MACF1: variants seen among roughly 807,000 people sequenced by gnomAD.
The protein encoded by MACF1 is microtubule-actin cross-linking factor 1.
A neutral mutation model predicts 854.8 loss-of-function variants in MACF1; 193 were observed. The observed-to-expected ratio is 0.23, with a 90% CI of 0.20 to 0.25. MACF1 has a LOEUF of 0.25. Among genes scored for constraint, MACF1 ranks in the 10% least tolerant of loss-of-function variants. The pLI is 1.00. For missense variants in MACF1, 7,722 were observed against 8,929.1 expected (o/e 0.86, Z 5.45); for synonymous variants, 3,185 against 3,226.7 (o/e 0.99, Z 0.44).
In MACF1 at chr1:39,333,439, C is replaced by A; in HGVS notation, c.6851C>A (p.Thr2284Asn). Reference protein sequence around the residue: ...SHPLELLEEATLNVLSAQLLD... With the variant: ...SHPLELLEEANLNVLSAQLLD... The stretch of plus-strand genomic sequence containing the variant: ...CCATTAGAATTGCTTGAAGAAGCTA[C>A]CTTAAATGTATTATCTGCACAGTTA... Residue 2284 changes from threonine (T) to asparagine (N), a missense_variant, in exon 37 of 101, where the codon ACC becomes AAC. Thr to Asn is a moderately conservative substitution (Grantham distance 65). Transcript: ENST00000564288. The A allele has an allele frequency of 6.2e-7, 1 of 1,614,078 alleles. No individual in the cohort carries two copies. Among genetic ancestry groups the A allele is most frequent in the Non-Finnish European group, 8.5e-7 (1 of 1,180,012 alleles).
At chr1:39,219,235 C>T (rs1389350013) in intron 1 of MACF1, among the ~76,000 whole-genome samples, 3 of 152,144 alleles carry the variant, frequency 2.0e-5, no homozygotes, top group African/African-American at 7.2e-5. Context: ...AGTACTTTTC[C>T]TTTAACTTGA....
At chr1:39,399,492 A>C (rs1244911956) in intron 58 of MACF1, among the ~76,000 whole-genome samples, 1 of 146,968 alleles carries the variant, frequency 6.8e-6, no homozygotes, top group Non-Finnish European at 1.5e-5. Flanking sequence ...CTCTTGCCTC[A>C]GCCTCCCAAG....
rs542666435 is a variant in MACF1 at position 39,292,702 on chromosome 1, A to G, written c.1915-64A>G. Reference sequence around the variant, plus strand: ...TAGACATAATATTTGCATAGTTGCAACCATAACACGTAGTTTACTTACTCT... The same window carrying G: ...TAGACATAATATTTGCATAGTTGCAGCCATAACACGTAGTTTACTTACTCT... On this transcript the variant is annotated intron_variant, in intron 16 of 100. Coordinates refer to ENST00000564288, the MANE Select transcript of MACF1 (RefSeq NM_001394062.1). The G allele has an allele frequency of 4.0e-5, 47 of 1,170,996 alleles. No homozygotes were observed. The South Asian group carries it at 6.0e-4, about 15-fold the overall frequency. 72.5% of individuals were successfully genotyped at this position (1,170,996 alleles called of 1,614,324 possible).
chr1:39,195,921 A>T (rs12566054), intron 2 of MACF1, among the ~76,000 whole-genome samples: 18,015 of 152,186 alleles, frequency 0.12, 1,448 homozygotes, highest in East Asian at 0.26. Flanking sequence ...AGGTGAGGTA[A>T]GTTATCAGTT....
In MACF1 at chr1:39,361,645, C is replaced by A. The variant is rs749497877; in HGVS notation, c.12739C>A (p.Gln4247Lys). 1 of 1,614,114 alleles carries A rather than the reference C, an allele frequency of 6.2e-7. No individual in the cohort carries two copies. The highest frequency in any genetic ancestry group is 8.5e-7 in the Non-Finnish European group (1 of 1,180,022). The change falls in exon 49 of 101, where the codon CAA becomes AAA. Residue 4247 changes from glutamine to lysine, a missense_variant. Transcript: ENST00000564288. The stretch of plus-strand genomic sequence containing the variant: ...GCTGGCCTCTGGAAATCAGCCAGAT[C>A]AAGATATTACACATTTCTTCCAACA... ...RMLASGNQPD[Q>K]DITHFFQQIQ...
At chr1:39,118,177 G>T (rs548590613) in intron 2 of MACF1, among the ~76,000 whole-genome samples, 1 of 152,228 alleles carries the variant, frequency 6.6e-6, no homozygotes, top group Admixed American at 6.5e-5. Context: ...TGTAACTTGA[G>T]AAAATTTATT....
intron 98 of MACF1, among the ~76,000 whole-genome samples, 177 bp from the exon 99 acceptor site, chr1:39,480,743 A>G (rs1414084336): frequency 6.6e-6 from 1 of 152,162 alleles, no homozygotes; most frequent in Non-Finnish European, 1.5e-5. Context: ...TTATGTGTGA[A>G]TGATGTTAGT....
At chr1:39,412,091 G>C in intron 58 of MACF1, 1 of 1,613,988 alleles carries the variant, frequency 6.2e-7, no homozygotes, top group Middle Eastern at 1.6e-4. Context: ...TCTGATCACA[G>C]GGTTTCTCAT....
intron 2 of MACF1, among the ~76,000 whole-genome samples, chr1:39,136,657 A>G (rs1299591868): frequency 6.6e-6 from 1 of 152,200 alleles, no homozygotes; most frequent in African/African-American, 2.4e-5. Context: ...GTTGTCTCTC[A>G]GAAGCTACTC....
At chr1:39,166,103 C>G (rs113359347) in intron 2 of MACF1, among the ~76,000 whole-genome samples, 1 of 146,664 alleles carries the variant, frequency 6.8e-6, no homozygotes, top group Non-Finnish European at 1.5e-5. Flanking sequence ...GAGTCTTGCT[C>G]TGTCACCCAG....
chr1:39,380,299 C>A lies in MACF1; in HGVS notation c.13574C>A (p.Ala4525Asp). ...NSPKIQKVKE[A>D]LAGLLVTYPN... ...CCAAAAATTCAAAAAGTAAAGGAAGCCCTGGCTGGATTACTGGTGACATAT... is the reference window on the plus strand; with the variant it reads ...CCAAAAATTCAAAAAGTAAAGGAAGACCTGGCTGGATTACTGGTGACATAT... The change falls in exon 55 of 101, where the codon GCC becomes GAC. Residue 4525 changes from alanine to aspartate, a missense_variant. By Grantham distance (126) the Ala-to-Asp change is moderately radical. This residue lies in a region of MACF1 where 2,807 missense variants were observed against 3,235.8 expected (regional missense o/e 0.87). Transcript: ENST00000564288. The A allele has an allele frequency of 1.2e-6, 2 of 1,613,494 alleles. No homozygotes were observed. The highest frequency in any genetic ancestry group is 1.1e-5 in the South Asian group (1 of 91,026).
intron 2 of MACF1, among the ~76,000 whole-genome samples, chr1:39,136,988 A>G (rs1643188656): frequency 6.6e-6 from 1 of 152,212 alleles, no homozygotes; most frequent in South Asian, 2.1e-4. Flanking sequence ...TAAATATAAA[A>G]TATTTGACAT....
At chr1:39,219,220 T>C (rs543476504) in intron 1 of MACF1, among the ~76,000 whole-genome samples, 2 of 152,386 alleles carry the variant, frequency 1.3e-5, no homozygotes, top group Admixed American at 1.3e-4. Context: ...ATCCCTATTA[T>C]AGTTAGTACT....
At chr1:39,135,210 A>T (rs1439141498) in intron 2 of MACF1, among the ~76,000 whole-genome samples, 2 of 152,114 alleles carry the variant, frequency 1.3e-5, no homozygotes, top group East Asian at 3.8e-4. Flanking sequence ...TGGCTTGCTA[A>T]TAATATGATT....
At chr1:39,279,307 C>G (rs1045943944) in intron 6 of MACF1, among the ~76,000 whole-genome samples, 15 of 152,172 alleles carry the variant, frequency 9.9e-5, no homozygotes, top group Non-Finnish European at 1.9e-4. Flanking sequence ...CCATACTCTT[C>G]TATTCTCACG....
chr1:39,233,335 A>G (rs1225082022), intron 2 of MACF1, among the ~76,000 whole-genome samples: 2 of 152,008 alleles, frequency 1.3e-5, no homozygotes, highest in East Asian at 1.9e-4. Flanking sequence ...TGCCTGGCCA[A>G]CCCAGGTCTT....
At chr1:39,155,225 T>C (rs189075150) in intron 2 of MACF1, among the ~76,000 whole-genome samples, 1 of 152,300 alleles carries the variant, frequency 6.6e-6, no homozygotes, top group East Asian at 1.9e-4. Context: ...GTTCCAAACA[T>C]CCTTGTTTTT....
chr1:39,181,205 G>T (rs1262273673), intron 2 of MACF1, among the ~76,000 whole-genome samples: 1 of 152,230 alleles, frequency 6.6e-6, no homozygotes, highest in East Asian at 1.9e-4. Flanking sequence ...ACTGCGCTGG[G>T]CCAGTAATCA....
chr1:39,293,896 T>A (rs1645846044), intron 18 of MACF1, among the ~76,000 whole-genome samples: 2 of 152,094 alleles, frequency 1.3e-5, no homozygotes, highest in Admixed American at 1.3e-4. Context: ...AATACAGCAT[T>A]GTGGTTAAGA....
Sources: allele counts gnomAD v4.1 joint callset (sites outside exome capture counted in the v4.1 genomes callset), GRCh38; gene constraint gnomAD v4.1.1; regional missense constraint gnomAD v4.1.1; transcripts MANE v1.5; gene names NCBI Gene and HGNC (gene_info 2026-07-23, HGNC 2026-07-21).